Variants in CFAP100 observed in about 807,000 individuals in gnomAD.
The protein encoded by CFAP100 is cilia- and flagella-associated protein 100.
CFAP100 carries 70 observed loss-of-function variants against 81.5 expected under a neutral mutation model. That is an observed-to-expected ratio of 0.86 (90% CI 0.71 to 1.05). The LOEUF is 1.05. Among genes scored for constraint, CFAP100 ranks in the 50% least tolerant of loss-of-function variants. The pLI, the probability that CFAP100 is intolerant of heterozygous loss-of-function variation, is 0.00. For synonymous variants in CFAP100, 341 were observed against 314.8 expected, an observed-to-expected ratio of 1.08 and a Z score of -0.88; for missense variants, 811 against 776.5, an observed-to-expected ratio of 1.04 and a Z score of -0.53.
chr3:126,423,739 C>A, intron 13 of CFAP100, 95 bp downstream of exon 13: 3 of 1,451,400 alleles, frequency 2.1e-6, no homozygotes, highest in Non-Finnish European at 2.9e-6. Context: ...CAGCCCACAC[C>A]CGTCCGTGGC....
At chr3:126,401,401 AT>A (rs2082978854) in intron 2 of CFAP100, among the ~76,000 whole-genome samples, 2 of 37,862 alleles carry the variant, frequency 5.3e-5, no homozygotes, top group East Asian at 1.4e-3. Flanking sequence ...CGTATTTTAT[AT>A]ATATATATAT....
At chr3:126,401,589 A>C (rs142611527) in intron 2 of CFAP100, among the ~76,000 whole-genome samples, 179 of 151,392 alleles carry the variant, frequency 1.2e-3, no homozygotes, top group African/African-American at 4.2e-3. Flanking sequence ...AGACAGGGGG[A>C]TCAGGAAGGC....
At position 126,418,718 on chromosome 3, in the gene CFAP100, C is replaced by T; in HGVS notation, c.594C>T (p.Ala198=). Residue 198 remains alanine, a synonymous_variant, in exon 7 of 17, where the codon GCC becomes GCT. Transcript: ENST00000352312. ...RAEKSLEKDA[A]LFDEFVREND... ...AGAAATCCCTGGAGAAGGACGCCGC[C>T]TTGTTCGACGAGTTCGTCAGGGAGA... The T allele has an allele frequency of 1.9e-6, 3 of 1,594,658 alleles. No individual in the cohort carries two copies. The highest frequency in any genetic ancestry group is 2.6e-6 in the Non-Finnish European group (3 of 1,171,154).
chr3:126,419,566 C>A, intron 8 of CFAP100, 71 bp from the exon 9 acceptor site: 1 of 1,442,678 alleles, frequency 6.9e-7, no homozygotes, highest in South Asian at 1.2e-5. Context: ...AGGGGTGGCC[C>A]CGGCATGGGG....
intron 3 of CFAP100, among the ~76,000 whole-genome samples, chr3:126,413,103 G>A (rs2107598965): frequency 6.6e-6 from 1 of 152,354 alleles, no homozygotes; most frequent in Non-Finnish European, 1.5e-5. Flanking sequence ...AAACACCTCT[G>A]CCCTGGTTGA....
At chr3:126,414,511 G>A (rs1025767963) in intron 4 of CFAP100, among the ~76,000 whole-genome samples, 9 of 152,190 alleles carry the variant, frequency 5.9e-5, no homozygotes, top group South Asian at 4.2e-4. Context: ...GACACTCTCC[G>A]GGTCCTCCAA....
chr3:126,428,339 G>T (rs1442691998), intron 13 of CFAP100, among the ~76,000 whole-genome samples: 1 of 151,382 alleles, frequency 6.6e-6, no homozygotes, highest in African/African-American at 2.4e-5. Context: ...AGAATCAGTG[G>T]TTACCAGGGA....
At chr3:126,434,128 G>C (rs1933348808) in intron 14 of CFAP100, 48 bp from the exon 15 acceptor site, 1 of 1,542,614 alleles carries the variant, frequency 6.5e-7, no homozygotes, top group Non-Finnish European at 8.8e-7. Context: ...TGGCATGGGG[G>C]TGGGTTTCCG....
intron 2 of CFAP100, among the ~76,000 whole-genome samples, chr3:126,398,429 A>G (rs2176070): frequency 0.96 from 146,834 of 152,350 alleles, 70,975 homozygotes; most frequent in Non-Finnish European, 0.99. Context: ...AAGACTCCAG[A>G]AGGAGCAGGT....
chr3:126,434,078 C>T, intron 14 of CFAP100, 98 bp from the exon 15 acceptor site: 2 of 1,045,942 alleles, frequency 1.9e-6, no homozygotes, highest in Non-Finnish European at 2.8e-6. Flanking sequence ...CAAGCGGTGG[C>T]CCCCACCCTG....
At chr3:126,402,037 T>C (rs183199650) in intron 2 of CFAP100, among the ~76,000 whole-genome samples, 95 of 152,314 alleles carry the variant, frequency 6.2e-4, no homozygotes, top group African/African-American at 2.2e-3. Context: ...TTTATGTGCT[T>C]GTTGCCGGTC....
chr3:126,416,395 T>TGCG lies in CFAP100; in HGVS notation c.311_313dup (p.Arg104dup). 1.9e-6 allele frequency: 3 copies of TGCG among 1,611,968 alleles called. No homozygotes were observed. Among genetic ancestry groups the TGCG allele is most frequent in the Non-Finnish European group, 2.5e-6 (3 of 1,179,452 alleles). On this transcript the variant is annotated inframe_insertion, in exon 5 of 17. Coordinates refer to ENST00000352312, the MANE Select transcript of CFAP100 (RefSeq NM_182628.3). ...AAAGTGTCGGCTAAGCACACCAGCC[T>TGCG]GCGGCGGCAGCTGCAGCTGGAGGAC...
At chr3:126,419,958 G>GC (rs761531040) in intron 9 of CFAP100, 22 bp from the exon 10 acceptor site, 34 of 1,612,668 alleles carry the variant, frequency 2.1e-5, no homozygotes, top group Middle Eastern at 1.7e-4. Flanking sequence ...GGCCATCGGG[G>GC]CCCCCCCTTT....
chr3:126,396,504 T>C (rs1378839831), intron 2 of CFAP100: 1 of 171,044 alleles, frequency 5.8e-6, no homozygotes, highest in East Asian at 1.7e-4. Context: ...CCCATCACAT[T>C]GGATTGGAGG....
Position 126,418,614 on chromosome 3 carries a change from G to A in CFAP100, c.490G>A (p.Ala164Thr). The change falls in exon 7 of 17, where the codon GCC becomes ACC. Residue 164 changes from alanine to threonine, a missense_variant. Physicochemically the swap from Ala to Thr is moderately conservative, Grantham distance 58 (BLOSUM62 0). Coordinates refer to ENST00000352312, the MANE Select transcript of CFAP100 (RefSeq NM_182628.3). ...ACCCCACTCTGCTGGCCCCCAGTAT[G>A]CCCTGGATGTCAAGCGGAGAGAGAT... ...QKRQMFLLQY[A>T]LDVKRREIQR... The A allele has an allele frequency of 1.2e-6, 2 of 1,607,808 alleles. No homozygotes were observed. The highest frequency in any genetic ancestry group is 1.7e-6 in the Non-Finnish European group (2 of 1,176,924).
At chr3:126,426,454 T>TA (rs67227509) in intron 13 of CFAP100, among the ~76,000 whole-genome samples, 5,761 of 132,834 alleles carry the variant, frequency 0.043, 127 homozygotes, top group East Asian at 0.083. Context: ...GACCCTGTCT[T>TA]AAAAAAAAAA....
chr3:126,410,435 A>G (rs1237187138), intron 3 of CFAP100, among the ~76,000 whole-genome samples: 2 of 152,138 alleles, frequency 1.3e-5, no homozygotes, highest in Non-Finnish European at 2.9e-5. Context: ...GTTTTCTACT[A>G]TACAATCATG....
At chr3:126,417,389 A>G (rs572695540) in intron 5 of CFAP100, among the ~76,000 whole-genome samples, 7 of 152,366 alleles carry the variant, frequency 4.6e-5, no homozygotes, top group African/African-American at 1.4e-4. Context: ...CAAAGTTAGA[A>G]GCAGTCAGTC....
chr3:126,429,609 G>T (rs1331344452), intron 13 of CFAP100, among the ~76,000 whole-genome samples: 6 of 118,150 alleles, frequency 5.1e-5, no homozygotes, highest in East Asian at 2.5e-4. Context: ...ATCTTCTTTT[G>T]TATCTACTGT....
Sources: allele counts gnomAD v4.1 joint callset (sites outside exome capture counted in the v4.1 genomes callset), GRCh38; gene constraint gnomAD v4.1.1; transcripts MANE v1.5; gene names NCBI Gene and HGNC (gene_info 2026-07-23, HGNC 2026-07-21).